PCDH11X: variants seen among roughly 807,000 people sequenced by gnomAD.
The protein encoded by PCDH11X is protocadherin-11 X-linked.
Under a neutral mutation model 53.3 loss-of-function variants are expected in PCDH11X, and 18 were observed. That is an observed-to-expected ratio of 0.34 (90% CI 0.23 to 0.50). PCDH11X has a LOEUF of 0.50. Among genes scored for constraint, PCDH11X ranks in the 20% least tolerant of loss-of-function variants. The pLI is 0.98. For synonymous variants in PCDH11X, 279 were observed against 393.3 expected (o/e 0.71, Z 3.44); for missense variants, 570 against 1,032.4 (o/e 0.55, Z 6.14).
intron 5 of PCDH11X, among the ~76,000 whole-genome samples, chrX:91,838,662 G>T (rs1367632678): frequency 9.2e-6 from 1 of 109,050 alleles, no homozygotes; most frequent in Non-Finnish European, 1.9e-5. Context: ...GAAATAAGTA[G>T]GCCAACCATA....
At chrX:92,291,469 G>T (rs1211496927) in intron 8 of PCDH11X, among the ~76,000 whole-genome samples, 1 of 66,006 alleles carries the variant, frequency 1.5e-5, no homozygotes, top group Admixed American at 1.8e-4. Flanking sequence ...AACTTTTTAG[G>T]TTCAGTAAAT....
intron 6 of PCDH11X, among the ~76,000 whole-genome samples, chrX:92,027,273 T>C (rs916075440): frequency 3.6e-5 from 4 of 111,697 alleles, no homozygotes; most frequent in African/African-American, 1.3e-4. Context: ...CCTTATCTCA[T>C]TGGAATACAA....
At chrX:92,348,087 A>G (rs1306624691) in intron 8 of PCDH11X, among the ~76,000 whole-genome samples, 1 of 110,898 alleles carries the variant, frequency 9.0e-6, no homozygotes, top group Non-Finnish European at 1.9e-5. Context: ...ACTCCATTCC[A>G]CCAAACTCTG....
intron 10 of PCDH11X, among the ~76,000 whole-genome samples, chrX:92,509,323 C>T (rs1016872421): frequency 1.1e-4 from 12 of 110,800 alleles, no homozygotes; most frequent in African/African-American, 3.9e-4. Context: ...GATTGGCCCA[C>T]GTTTTAAATC....
At chrX:92,183,062 A>G (rs927235254) in intron 6 of PCDH11X, among the ~76,000 whole-genome samples, 4 of 110,674 alleles carry the variant, frequency 3.6e-5, no homozygotes, top group Non-Finnish European at 7.5e-5. Flanking sequence ...CCACACATCT[A>G]ATCTTTCAAC....
chrX:92,293,878 A>C (rs938387422), intron 8 of PCDH11X, among the ~76,000 whole-genome samples: 112 of 107,945 alleles, frequency 1.0e-3, no homozygotes, highest in South Asian at 2.6e-3. Context: ...TAAATGATGT[A>C]ATGTGGAACC....
At chrX:92,260,737 T>C (rs1223487165) in intron 7 of PCDH11X, among the ~76,000 whole-genome samples, 2 of 111,781 alleles carry the variant, frequency 1.8e-5, no homozygotes, top group African/African-American at 6.5e-5. Context: ...TTTTCATTAG[T>C]TGTATTCAAT....
chrX:92,243,001 G>C (rs1381725919), intron 7 of PCDH11X, among the ~76,000 whole-genome samples: 2 of 110,514 alleles, frequency 1.8e-5, no homozygotes, highest in Non-Finnish European at 3.8e-5. Flanking sequence ...CATTAGTAGT[G>C]TAGATATTAT....
intron 6 of PCDH11X, among the ~76,000 whole-genome samples, chrX:92,069,361 T>C (rs2063663815): frequency 9.0e-6 from 1 of 110,855 alleles, no homozygotes; most frequent in African/African-American, 3.3e-5. Context: ...TGTGTTTATC[T>C]TTATAGGTGA....
rs933301344 is a variant in PCDH11X at position 92,154,160 on chromosome X, G to A, written c.3034-47215G>A. Among the ~76,000 whole-genome samples the A allele has an allele frequency of 7.2e-5, 8 of 110,568 alleles. No homozygotes were observed. In the Admixed American group the frequency reaches 7.8e-4, roughly 11 times the overall value. On this transcript the variant is annotated intron_variant, in intron 6 of 10. Transcript: ENST00000682573. ...GTGGAAATCAGTCTACCTATCTATT[G>A]ATTGGAAAGGAGGGCATTTGACCAT...
intron 9 of PCDH11X, among the ~76,000 whole-genome samples, chrX:92,394,320 A>G (rs993845868): frequency 6.3e-5 from 7 of 110,961 alleles, no homozygotes; most frequent in African/African-American, 2.0e-4. Flanking sequence ...GCAGGCCACT[A>G]TAAGTAAAGC....
chrX:92,539,377 A>T (rs779217322), intron 10 of PCDH11X, among the ~76,000 whole-genome samples: 1 of 111,656 alleles, frequency 9.0e-6, no homozygotes, highest in East Asian at 2.8e-4. Flanking sequence ...TGCTATTAAG[A>T]TTCTCTGATG....
At chrX:91,813,382 G>A (rs1256980333) in intron 4 of PCDH11X, among the ~76,000 whole-genome samples, 5 of 104,497 alleles carry the variant, frequency 4.8e-5, no homozygotes, top group Non-Finnish European at 9.7e-5. Flanking sequence ...TTTTCCCCAT[G>A]TGATGCTAAT....
chrX:92,217,597 A>T (rs1169133773), intron 7 of PCDH11X, among the ~76,000 whole-genome samples: 43 of 99,463 alleles, frequency 4.3e-4, no homozygotes, highest in Middle Eastern at 0.01. Context: ...CCCACACAAT[A>T]ATAATGGGAG....
At chrX:92,579,502 T>C (rs1923395372) in intron 10 of PCDH11X, among the ~76,000 whole-genome samples, 1 of 110,953 alleles carries the variant, frequency 9.0e-6, no homozygotes, top group Non-Finnish European at 1.9e-5. Context: ...AAGATAATCT[T>C]CAAACTCTAT....
chrX:92,353,869 G>A (rs1339839541), intron 8 of PCDH11X, among the ~76,000 whole-genome samples: 4 of 107,680 alleles, frequency 3.7e-5, no homozygotes, highest in Non-Finnish European at 7.7e-5. Context: ...TTTTTAACAC[G>A]GTATTAAACA....
intron 10 of PCDH11X, among the ~76,000 whole-genome samples, chrX:92,523,463 C>A (rs1383210930): frequency 8.9e-6 from 1 of 112,074 alleles, no homozygotes; most frequent in Admixed American, 9.5e-5. Flanking sequence ...TTAGACATCG[C>A]TCAGATCTCA....
At chrX:92,135,649 T>C (rs1445691242) in intron 6 of PCDH11X, among the ~76,000 whole-genome samples, 1 of 110,733 alleles carries the variant, frequency 9.0e-6, no homozygotes, top group Non-Finnish European at 1.9e-5. Context: ...AATTATTATA[T>C]GTCTTCTTGG....
chrX:92,393,607 G>A (rs2031040459), intron 9 of PCDH11X, among the ~76,000 whole-genome samples: 1 of 110,944 alleles, frequency 9.0e-6, no homozygotes, highest in African/African-American at 3.3e-5. Flanking sequence ...TATTTTTAAG[G>A]TAACAATAAT....
Sources: gnomAD v4.1 joint callset for allele counts (sites outside exome capture counted in the v4.1 genomes callset) on GRCh38, gnomAD v4.1.1 for gene constraint, MANE v1.5 for transcripts, NCBI Gene and HGNC (gene_info 2026-07-23, HGNC 2026-07-21) for gene names.